The following WNK3 variants were observed in gnomAD, a reference collection of about 807,000 sequenced individuals.
The protein encoded by WNK3 is WNK lysine deficient protein kinase 3, also known as serine/threonine-protein kinase WNK3.
WNK3 carries 18 observed loss-of-function variants against 116.7 expected under a neutral mutation model. The ratio of observed to expected loss-of-function variants is 0.15; its 90% CI spans 0.11 to 0.23. The LOEUF is 0.23. WNK3 is among the 10% of genes least tolerant of loss of function. The probability of loss-of-function intolerance (pLI) is 1.00; values close to 1 mark genes in which losing one functional copy is unlikely to be tolerated. For synonymous variants in WNK3, 404 were observed against 469.4 expected (o/e 0.86, Z 1.80); for missense variants, 993 against 1,323.8 (o/e 0.75, Z 3.88).
intron 2 of WNK3, among the ~76,000 whole-genome samples, chrX:54,330,248 C>T (rs1262898560): frequency 9.0e-6 from 1 of 111,457 alleles, no homozygotes; most frequent in East Asian, 2.8e-4. Context: ...TGGCACACAC[C>T]TGTAGTCCCA....
chrX:54,238,990 C>T (rs1470236873), exon 18 of WNK3: 3 of 1,208,028 alleles, frequency 2.5e-6, no homozygotes, highest in Non-Finnish European at 3.4e-6. Context: ...ACAAGTAAAG[C>T]TTAGGCCAAA....
Position 54,228,675 on chromosome X carries a change from T to TA in WNK3, c.4870+38dup, listed in dbSNP as rs782179448. The TA allele has an allele frequency of 2.4e-5, 11 of 459,823 alleles. No homozygotes were observed. In the South Asian group the frequency reaches 3.2e-4, roughly 13 times the overall value. The allele number at this position is 459,823 out of a possible 1,213,427, so 37.9% of individuals were successfully genotyped here. ...ATATCTCAATAAAACTGTAATTTTTTAAAAAAATTAAAAGTAAAGAAGCAA... is the reference window on the plus strand; with the variant it reads ...ATATCTCAATAAAACTGTAATTTTTTAAAAAAAATTAAAAGTAAAGAAGCAA... On this transcript the variant is annotated intron_variant, in intron 22 of 23. Transcript: ENST00000354646.
chrX:54,351,588 T>C (rs1296086255), intron 1 of WNK3, among the ~76,000 whole-genome samples: 2 of 110,392 alleles, frequency 1.8e-5, no homozygotes, highest in African/African-American at 6.6e-5. Flanking sequence ...TTGGGCAACA[T>C]AGCAAGACCT....
chrX:54,207,313 T>C (rs986593513), intron 22 of WNK3, among the ~76,000 whole-genome samples: 3 of 111,269 alleles, frequency 2.7e-5, no homozygotes, highest in African/African-American at 9.8e-5. Flanking sequence ...AAACATGCTG[T>C]GGCAGCTGCC....
chrX:54,240,311 A>C (rs782500367), intron 17 of WNK3, among the ~76,000 whole-genome samples: 12 of 110,961 alleles, frequency 1.1e-4, no homozygotes, highest in African/African-American at 3.6e-4. Context: ...TTTCAAAAAA[A>C]AAAAAACAAA....
chrX:54,302,913 G>A (rs2068783184), intron 5 of WNK3, among the ~76,000 whole-genome samples: 1 of 99,772 alleles, frequency 1.0e-5, no homozygotes, highest in African/African-American at 3.7e-5. Context: ...ACAGGCGCAT[G>A]CCACCAAACT....
chrX:54,354,244 A>C lies in WNK3; in HGVS notation c.-120+3442T>G, dbSNP rs782732508. 4.5e-5 allele frequency among the ~76,000 whole-genome samples: 5 copies of C among 111,985 alleles called. No homozygotes were observed. The South Asian group carries it at 1.9e-3, about 42-fold the overall frequency. Reference sequence around the variant, plus strand: ...ATCAATTCTACTTTTAAAGCTTTAAAATTTCTGAATGAATGTCTTATAGAT... The same window carrying C: ...ATCAATTCTACTTTTAAAGCTTTAACATTTCTGAATGAATGTCTTATAGAT... On this transcript the variant is annotated intron_variant, in intron 1 of 23. Coordinates refer to ENST00000354646, the Ensembl canonical transcript of WNK3.
intron 10 of WNK3, among the ~76,000 whole-genome samples, chrX:54,283,766 C>CAAA (rs782377430): frequency 2.9e-4 from 7 of 24,041 alleles, no homozygotes; most frequent in Non-Finnish European, 3.9e-4. Context: ...AAGACTGTCT[C>CAAA]AAAAAAAAAA....
At chrX:54,307,163 G>A (rs1377788944) in intron 5 of WNK3, among the ~76,000 whole-genome samples, 1 of 105,397 alleles carries the variant, frequency 9.5e-6, no homozygotes, top group African/African-American at 3.5e-5. Flanking sequence ...GGAGGTGGAG[G>A]TTGCAGTGAG....
intron 22 of WNK3, among the ~76,000 whole-genome samples, chrX:54,214,335 G>A (rs1557144520): frequency 9.0e-6 from 1 of 111,026 alleles, no homozygotes; most frequent in Non-Finnish European, 1.9e-5. Context: ...GAGCCCAGAT[G>A]GTTTCATTGG....
chrX:54,315,363 C>G (rs2068941284), intron 2 of WNK3, among the ~76,000 whole-genome samples: 1 of 110,070 alleles, frequency 9.1e-6, no homozygotes, highest in Non-Finnish European at 1.9e-5. Context: ...ATATGATTGC[C>G]CCTCCCCCTG....
At chrX:54,252,638 C>G (rs1321568511) in intron 13 of WNK3, among the ~76,000 whole-genome samples, 1 of 104,271 alleles carries the variant, frequency 9.6e-6, no homozygotes, top group African/African-American at 3.6e-5. Context: ...CCACTGCCCT[C>G]CAGCCTGGGC....
At chrX:54,248,339 T>C (rs2068093682) in intron 17 of WNK3, among the ~76,000 whole-genome samples, 1 of 110,132 alleles carries the variant, frequency 9.1e-6, no homozygotes, top group African/African-American at 3.3e-5. Flanking sequence ...AACCATAACT[T>C]TTTTTTTTAA....
intron 22 of WNK3, among the ~76,000 whole-genome samples, chrX:54,206,689 T>C (rs1218492761): frequency 8.9e-6 from 1 of 112,200 alleles, no homozygotes; most frequent in Non-Finnish European, 1.9e-5. Flanking sequence ...CTAAATGGAC[T>C]CACTCCTTGG....
At chrX:54,196,492 G>A (rs1034007406) in exon 24 of WNK3, 54 of 104,015 alleles carry the variant, frequency 5.2e-4, no homozygotes, top group Non-Finnish European at 9.5e-4. Flanking sequence ...TTAAGTTTTC[G>A]TCATTACCTG....
intron 10 of WNK3, among the ~76,000 whole-genome samples, chrX:54,266,069 T>C (rs1557157641): frequency 9.0e-6 from 1 of 111,569 alleles, no homozygotes; most frequent in Non-Finnish European, 1.9e-5. Context: ...GATGCAGATA[T>C]ATGTTAAAGT....
intron 22 of WNK3, among the ~76,000 whole-genome samples, chrX:54,226,532 A>G (rs1248820097): frequency 7.5e-5 from 8 of 106,621 alleles, no homozygotes; most frequent in African/African-American, 2.7e-4. Context: ...GATTCACTAT[A>G]AAACTCCTAG....
intron 6 of WNK3, 116 bp from the exon 7 acceptor site, chrX:54,298,510 T>A: frequency 1.9e-6 from 1 of 530,280 alleles, no homozygotes; most frequent in Non-Finnish European, 2.9e-6. Context: ...TCTATCAATT[T>A]AATCATTAAT....
In WNK3 at chrX:54,228,756, C is replaced by T. The variant is rs1557148364; in HGVS notation, c.4841-13G>A. On this transcript the variant is annotated splice_polypyrimidine_tract_variant and intron_variant, in intron 21 of 23. Coordinates refer to ENST00000354646, the Ensembl canonical transcript of WNK3. ...AGGCAGCTTTTCCCTGATATCAAAC[C>T]AGAAAAAGATAGTATCAAAATTTTC... 2.1e-6 allele frequency: 1 copy of T among 476,968 alleles called. No homozygotes were observed. Among genetic ancestry groups the T allele is most frequent in the Non-Finnish European group, 3.8e-6 (1 of 263,288 alleles). 39.3% of individuals were successfully genotyped at this position (476,968 alleles called of 1,213,427 possible). A position where few individuals can be genotyped will look rare whatever the true frequency, so the allele number is the denominator to read the frequency against.
Sources: allele counts gnomAD v4.1 joint callset (sites outside exome capture counted in the v4.1 genomes callset), GRCh38; gene constraint gnomAD v4.1.1; transcripts MANE v1.5; gene names NCBI Gene and HGNC (gene_info 2026-07-23, HGNC 2026-07-21).